The following ZDHHC19 variants were observed in gnomAD, a reference collection of about 807,000 sequenced individuals.
ZDHHC19 encodes zDHHC palmitoyltransferase 19, also known as palmitoyltransferase ZDHHC19.
In ZDHHC19, 30 loss-of-function variants were observed where a neutral mutation model predicts 33.9. That is an observed-to-expected ratio of 0.88 (90% CI 0.66 to 1.20). ZDHHC19 has a LOEUF of 1.20. ZDHHC19 is among the 50% of genes most tolerant of loss of function. ZDHHC19 has a pLI of 0.00. For synonymous variants in ZDHHC19, 178 were observed against 167.6 expected (o/e 1.06, Z -0.48); for missense variants, 364 against 401.1 (o/e 0.91, Z 0.79).
intron 5 of ZDHHC19, among the ~76,000 whole-genome samples, chr3:196,201,247 A>G (rs1351855619): frequency 6.6e-6 from 1 of 151,128 alleles, no homozygotes; most frequent in African/African-American, 2.4e-5. Flanking sequence ...TAATTTTTGT[A>G]TTTTTAGTAG....
At chr3:196,207,103 AC>A (rs1238160851) in intron 5 of ZDHHC19, among the ~76,000 whole-genome samples, 4 of 151,928 alleles carry the variant, frequency 2.6e-5, no homozygotes, top group Admixed American at 6.6e-5. Flanking sequence ...GGTGGGTGTT[AC>A]TCTGATTTCA....
Position 196,209,380 on chromosome 3 carries a change from A to G in ZDHHC19, c.404T>C (p.Val135Ala). The G allele has an allele frequency of 2.5e-6, 4 of 1,599,528 alleles. No individual in the cohort carries two copies. Among genetic ancestry groups the G allele is most frequent in the East Asian group, 2.3e-5 (1 of 44,224 alleles). Reference sequence around the variant, plus strand: ...GACAGGTAGAGGGGCACTCACCTCCACACAGATGTTGCACCAGGGGCAGTG... The same window carrying G: ...GACAGGTAGAGGGGCACTCACCTCCGCACAGATGTTGCACCAGGGGCAGTG... Reference protein sequence around the residue: ...TYHCPWCNICVEDFDHHCKWV... With the variant: ...TYHCPWCNICAEDFDHHCKWV... Residue 135 changes from valine (V) to alanine (A), a missense_variant, in exon 3 of 8, where the codon GTG becomes GCG. Physicochemically the swap from Val to Ala is moderately conservative, Grantham distance 64. Coordinates refer to ENST00000296326, the MANE Select transcript of ZDHHC19 (RefSeq NM_001039617.2).
chr3:196,199,049 G>A, intron 5 of ZDHHC19, 175 bp from the exon 6 acceptor site: 1 of 587,330 alleles, frequency 1.7e-6, no homozygotes, highest in Non-Finnish European at 3.1e-6. Context: ...TCCTCCTCTT[G>A]GTCTCCACTG....
intron 1 of ZDHHC19, 45 bp from the exon 2 acceptor site, chr3:196,210,782 GC>G (rs778963353): frequency 6.2e-7 from 1 of 1,600,176 alleles, no homozygotes; most frequent in South Asian, 1.1e-5. Flanking sequence ...GCAGCCCAAA[GC>G]CCCCGGCCCA....
At chr3:196,200,797 C>A (rs1178127839) in intron 5 of ZDHHC19, among the ~76,000 whole-genome samples, 1 of 150,470 alleles carries the variant, frequency 6.6e-6, no homozygotes, top group East Asian at 1.9e-4. Context: ...TACAGGCATG[C>A]ACCACTATGC....
chr3:196,208,647 C>A, intron 3 of ZDHHC19, 87 bp from the exon 4 acceptor site: 1 of 1,480,822 alleles, frequency 6.8e-7, no homozygotes, highest in Non-Finnish European at 9.1e-7. Flanking sequence ...CTCCCCCTGC[C>A]TTCTAGGCCA....
rs1721914020 is a variant in ZDHHC19 at position 196,197,788 on chromosome 3, TCTC to T, written c.*20-66_*20-64del. 6.5e-6 allele frequency: 1 copy of T among 152,968 alleles called. No homozygotes were observed. The highest frequency in any genetic ancestry group is 2.4e-5 in the African/African-American group (1 of 41,408). 9.5% of individuals were successfully genotyped at this position (152,968 alleles called of 1,614,324 possible). On this transcript the variant is annotated intron_variant, in intron 7 of 7. Coordinates refer to ENST00000296326, the MANE Select transcript of ZDHHC19 (RefSeq NM_001039617.2). The surrounding 1 kb of genome is among the most constrained non-coding windows in gnomAD (Gnocchi z 4.4). Reference sequence around the variant, plus strand: ...ACCCCGCCCCGCAGCTCGTGCCAGGTCTCCTGCTCCTGGAGGCAAAGGGAGCGG... The same window carrying T: ...ACCCCGCCCCGCAGCTCGTGCCAGGTCTGCTCCTGGAGGCAAAGGGAGCGG...
intron 6 of ZDHHC19, 55 bp downstream of exon 6, chr3:196,198,734 C>G: frequency 6.2e-7 from 1 of 1,608,576 alleles, no homozygotes; most frequent in Non-Finnish European, 8.5e-7. Flanking sequence ...AGGGTGAACC[C>G]ACCTCTGCCC....
rs1722550299 is a variant in ZDHHC19 at position 196,203,992 on chromosome 3, T to C, written c.687+3406A>G. On this transcript the variant is annotated intron_variant, in intron 5 of 7. Coordinates refer to ENST00000296326, the MANE Select transcript of ZDHHC19 (RefSeq NM_001039617.2). The surrounding 1 kb of genome is among the most constrained non-coding windows in gnomAD (Gnocchi z 4.3). ...AACAGCCAGTGACCTGCTGAAGGAG[T>C]CTCATGGCGCGGATGTCCACCCTCA... Among the ~76,000 whole-genome samples the C allele has an allele frequency of 6.6e-6, 1 of 151,856 alleles. No individual in the cohort carries two copies. The highest frequency in any genetic ancestry group is 1.5e-5 in the Non-Finnish European group (1 of 67,970).
At chr3:196,210,521 G>A (rs1723206125) in intron 2 of ZDHHC19, 95 bp downstream of exon 2, 2 of 1,553,100 alleles carry the variant, frequency 1.3e-6, no homozygotes, top group African/African-American at 1.4e-5. Flanking sequence ...CCAGAGGCTG[G>A]AGGAGGGTCA....
At chr3:196,207,346 G>C in intron 5 of ZDHHC19, 52 bp downstream of exon 5, 2 of 1,491,434 alleles carry the variant, frequency 1.3e-6, no homozygotes, top group Non-Finnish European at 1.8e-6. Context: ...AGAAAGCGCG[G>C]GAAGCGCGGA....
chr3:196,198,934 G>A lies in ZDHHC19; in HGVS notation c.688-60C>T, dbSNP rs993720785. On this transcript the variant is annotated intron_variant, in intron 5 of 7. Transcript: ENST00000296326. ...AACCAGCAGGAATGGCTGGGCCATC[G>A]CCCAGTGGCCCTCCCTGAGCTGGTC... 26 of 1,541,492 alleles carry A rather than the reference G, an allele frequency of 1.7e-5. 1 individual carries two copies. In the East Asian group the frequency reaches 1.8e-4, roughly 11 times the overall value.
chr3:196,203,456 T>C lies in ZDHHC19; in HGVS notation c.687+3942A>G, dbSNP rs1722514739. Among the ~76,000 whole-genome samples the C allele has an allele frequency of 6.6e-6, 1 of 152,126 alleles. No homozygotes were observed. Among genetic ancestry groups the C allele is most frequent in the African/African-American group, 2.4e-5 (1 of 41,414 alleles). On this transcript the variant is annotated intron_variant, in intron 5 of 7. Transcript: ENST00000296326. The surrounding 1 kb of genome is among the most constrained non-coding windows in gnomAD (Gnocchi z 4.3). ...TCTCTGCTGGTATGCTGTGGAGCTG[T>C]GATGTGAACATGTGTGAACTGGATC...
Position 196,211,364 on chromosome 3 carries a change from T to C in ZDHHC19, c.-49A>G. 1 of 1,549,214 alleles carries C rather than the reference T, an allele frequency of 6.5e-7. No individual in the cohort carries two copies. The highest frequency in any genetic ancestry group is 8.7e-7 in the Non-Finnish European group (1 of 1,149,090). Reference sequence around the variant, plus strand: ...GGGAGGTCAGAGCCACCAGGCTTCCTCCCCCAGCCCAGCTTCCAGAGCTCC... The same window carrying C: ...GGGAGGTCAGAGCCACCAGGCTTCCCCCCCCAGCCCAGCTTCCAGAGCTCC... On this transcript the variant is annotated 5_prime_UTR_variant, in exon 1 of 8. Transcript: ENST00000296326.
In ZDHHC19 at chr3:196,198,281, G is replaced by A. The variant is rs2280529; in HGVS notation, c.*14C>T. ...CGCACACACACGCTTCTTACCTCCT[G>A]GAGAGCTGCAGCCTCACCACGCCCC... On this transcript the variant is annotated 3_prime_UTR_variant, in exon 7 of 8. Coordinates refer to ENST00000296326, the MANE Select transcript of ZDHHC19 (RefSeq NM_001039617.2). The A allele has an allele frequency of 3.4e-3, 5,087 of 1,499,170 alleles. 215 individuals are homozygous for A. The East Asian group carries it at 0.091, about 27-fold the overall frequency. The allele number at this position is 1,499,170 out of a possible 1,614,324, so 92.9% of individuals were successfully genotyped here.
chr3:196,201,083 T>C (rs1722301195), intron 5 of ZDHHC19, among the ~76,000 whole-genome samples: 1 of 151,538 alleles, frequency 6.6e-6, no homozygotes, highest in African/African-American at 2.4e-5. Flanking sequence ...TACATTTTTC[T>C]TTTTTTTGAG....
At chr3:196,199,806 G>A (rs11922691) in intron 5 of ZDHHC19, among the ~76,000 whole-genome samples, 2,215 of 151,710 alleles carry the variant, frequency 0.015, 86 homozygotes, top group African/African-American at 0.047. Context: ...TTAGCCAGGC[G>A]TGGTGGCGGG....
rs767568896 is a variant in ZDHHC19 at position 196,207,542 on chromosome 3, C to T, written c.582-39G>A. The T allele has an allele frequency of 6.7e-6, 10 of 1,486,582 alleles. No individual in the cohort carries two copies. In the South Asian group the frequency reaches 1.0e-4, roughly 15 times the overall value. 92.1% of individuals were successfully genotyped at this position (1,486,582 alleles called of 1,614,324 possible). On this transcript the variant is annotated intron_variant, in intron 4 of 7. Coordinates refer to ENST00000296326, the MANE Select transcript of ZDHHC19 (RefSeq NM_001039617.2). ...GGAACCGGGCTGCGGGACCCCCACG[C>T]CTGGCCCCGCCCCCCAGGCCCGACT...
chr3:196,204,927 T>C (rs994407211), intron 5 of ZDHHC19, among the ~76,000 whole-genome samples: 3 of 152,238 alleles, frequency 2.0e-5, no homozygotes, highest in Non-Finnish European at 2.9e-5. Context: ...GCCAACATGG[T>C]GAACCCCATC....
Sources: gnomAD v4.1 joint callset for allele counts (sites outside exome capture counted in the v4.1 genomes callset) on GRCh38, gnomAD v4.1.1 for gene constraint, Gnocchi (gnomAD v3.1) non-coding constraint, MANE v1.5 for transcripts, NCBI Gene and HGNC (gene_info 2026-07-23, HGNC 2026-07-21) for gene names.